Variants in PPA2 observed in about 807,000 individuals in gnomAD.
PPA2 encodes inorganic pyrophosphatase 2, mitochondrial.
A neutral mutation model predicts 49.5 loss-of-function variants in PPA2; 48 were observed. The observed-to-expected ratio is 0.97, with a 90% confidence interval of 0.77 to 1.23. PPA2 has a LOEUF of 1.23. Among genes scored for constraint, PPA2 ranks in the 50% most tolerant of loss-of-function variants. PPA2 has a pLI of 0.00. For synonymous variants in PPA2, 131 were observed against 139.9 expected, an observed-to-expected ratio of 0.94 and a Z score of 0.45; for missense variants, 429 against 410.1, an observed-to-expected ratio of 1.05 and a Z score of -0.40.
intron 3 of PPA2, 128 bp downstream of exon 3, chr4:105,453,470 A>G: frequency 3.3e-6 from 2 of 613,338 alleles, no homozygotes; most frequent in Non-Finnish European, 5.2e-6. Flanking sequence ...AAAGAAAAAC[A>G]TCGGAATGCA....
chr4:105,394,212 C>T (rs1434396122), intron 9 of PPA2, among the ~76,000 whole-genome samples: 1 of 151,652 alleles, frequency 6.6e-6, no homozygotes, highest in African/African-American at 2.4e-5. Context: ...ACTAAAAATA[C>T]AAAAATTAGC....
chr4:105,376,992 A>T (rs1169139968), intron 10 of PPA2, among the ~76,000 whole-genome samples: 1 of 152,228 alleles, frequency 6.6e-6, no homozygotes, highest in African/African-American at 2.4e-5. Flanking sequence ...GAAAGTGCTT[A>T]AACAAAGCAC....
At chr4:105,409,506 T>C (rs1722651190) in intron 7 of PPA2, among the ~76,000 whole-genome samples, 2 of 152,226 alleles carry the variant, frequency 1.3e-5, no homozygotes, top group Admixed American at 6.5e-5. Context: ...CAGACTTAAA[T>C]GTCCCTGTCT....
At chr4:105,410,144 C>T (rs1369723499) in intron 7 of PPA2, among the ~76,000 whole-genome samples, 3 of 152,092 alleles carry the variant, frequency 2.0e-5, no homozygotes, top group African/African-American at 2.4e-5. Flanking sequence ...TCTAACCCAT[C>T]GCAAAGAAGC....
At chr4:105,403,537 T>C (rs1051312518) in intron 7 of PPA2, among the ~76,000 whole-genome samples, 1 of 152,150 alleles carries the variant, frequency 6.6e-6, no homozygotes, top group Non-Finnish European at 1.5e-5. Flanking sequence ...ATAAATACAT[T>C]GAAAATATTG....
chr4:105,443,710 T>C (rs970146460), intron 5 of PPA2, among the ~76,000 whole-genome samples: 8 of 151,898 alleles, frequency 5.3e-5, no homozygotes, highest in African/African-American at 1.9e-4. Flanking sequence ...GATCTCTAAT[T>C]GAAAATGGCA....
rs548112677 is a variant in PPA2 at position 105,408,257 on chromosome 4, C to T, written c.656-9093G>A. ...CTCAAAAGATAAAACCACTAAGGTG[C>T]AAAACTACCTGGTATATATAAGAAA... On this transcript the variant is annotated intron_variant, in intron 7 of 11. Transcript: ENST00000341695. 3.9e-5 allele frequency among the ~76,000 whole-genome samples: 6 copies of T among 152,124 alleles called. No individual in the cohort carries two copies. In the South Asian group the frequency reaches 1.0e-3, roughly 26 times the overall value.
At chr4:105,473,365 C>G (rs2110339091) in intron 1 of PPA2, 1 of 328,814 alleles carries the variant, frequency 3.0e-6, no homozygotes, top group East Asian at 1.0e-4. Flanking sequence ...GGGAAAGAAC[C>G]TTCATCAGAG....
chr4:105,372,020 A>C (rs1733045583), intron 10 of PPA2, among the ~76,000 whole-genome samples: 1 of 152,176 alleles, frequency 6.6e-6, no homozygotes, highest in Non-Finnish European at 1.5e-5. Context: ...ACAGCCACCC[A>C]CCGGCCCCTG....
chr4:105,425,733 C>T (rs1026169631), intron 6 of PPA2, among the ~76,000 whole-genome samples: 11 of 148,912 alleles, frequency 7.4e-5, no homozygotes, highest in African/African-American at 2.3e-4. Context: ...TACACACACA[C>T]ACACACACAC....
At chr4:105,383,748 C>T (rs1295082838) in intron 10 of PPA2, among the ~76,000 whole-genome samples, 1 of 152,084 alleles carries the variant, frequency 6.6e-6, no homozygotes, top group Non-Finnish European at 1.5e-5. Flanking sequence ...TACTTAGGTA[C>T]ATATTAGAGC....
intron 1 of PPA2, among the ~76,000 whole-genome samples, chr4:105,459,439 T>C (rs765106770): frequency 1.2e-4 from 18 of 152,352 alleles, no homozygotes; most frequent in Non-Finnish European, 2.1e-4. Flanking sequence ...CACATTTACA[T>C]GTTTTCAATT....
chr4:105,405,046 G>GCA (rs1240447823), intron 7 of PPA2: 1 of 265,894 alleles, frequency 3.8e-6, no homozygotes, highest in Non-Finnish European at 5.8e-6. Flanking sequence ...TCCTGCCACT[G>GCA]CACTCCAGCC....
In PPA2 at chr4:105,409,639, G is replaced by A. The variant is rs185363047; in HGVS notation, c.656-10475C>T. The stretch of plus-strand genomic sequence containing the variant: ...CCGGACTGGCAGACACCTCCCAGTA[G>A]GGGCCGACAGACACCTCATACAGGT... On this transcript the variant is annotated intron_variant, in intron 7 of 11. Coordinates refer to ENST00000341695, the MANE Select transcript of PPA2 (RefSeq NM_176869.3). 2.0e-4 allele frequency among the ~76,000 whole-genome samples: 31 copies of A among 152,318 alleles called. No individual in the cohort carries two copies. The East Asian group carries it at 5.8e-3, about 29-fold the overall frequency.
At chr4:105,446,837 T>C (rs1179955869) in intron 4 of PPA2, among the ~76,000 whole-genome samples, 1 of 152,156 alleles carries the variant, frequency 6.6e-6, no homozygotes, top group Non-Finnish European at 1.5e-5. Context: ...CAGGCTTTAT[T>C]ATCATCAATA....
chr4:105,465,144 T>C (rs1398156705), intron 1 of PPA2, among the ~76,000 whole-genome samples: 1 of 152,192 alleles, frequency 6.6e-6, no homozygotes, highest in African/African-American at 2.4e-5. Context: ...GAGGGAGAAA[T>C]GAATATCTGT....
In PPA2 at chr4:105,421,429, T is replaced by C. The variant is rs527667455; in HGVS notation, c.655+2767A>G. 4.6e-5 allele frequency among the ~76,000 whole-genome samples: 7 copies of C among 152,326 alleles called. No individual in the cohort carries two copies. The South Asian group carries it at 6.2e-4, about 14-fold the overall frequency. ...TTATACTTCTGAGTTTTTATTTCCA[T>C]GTATAAAATTAATTTTATAATTTTT... On this transcript the variant is annotated intron_variant, in intron 7 of 11. Coordinates refer to ENST00000341695, the MANE Select transcript of PPA2 (RefSeq NM_176869.3).
chr4:105,461,243 G>C (rs1723078776), intron 1 of PPA2, among the ~76,000 whole-genome samples: 1 of 152,226 alleles, frequency 6.6e-6, no homozygotes. Context: ...AGCATGCTCA[G>C]TTGAGCTTCA....
At chr4:105,412,132 C>A (rs969477121) in intron 7 of PPA2, among the ~76,000 whole-genome samples, 1 of 152,146 alleles carries the variant, frequency 6.6e-6, no homozygotes, top group Non-Finnish European at 1.5e-5. Context: ...CCCGCATAGC[C>A]AAGGCAATCC....
Sources: allele counts gnomAD v4.1 joint callset (sites outside exome capture counted in the v4.1 genomes callset), GRCh38; gene constraint gnomAD v4.1.1; transcripts MANE v1.5; gene names NCBI Gene and HGNC (gene_info 2026-07-23, HGNC 2026-07-21).